Variants in MSN observed in about 807,000 individuals in gnomAD.
MSN encodes the protein epididymis luminal protein 70.
A neutral mutation model predicts 48.0 loss-of-function variants in MSN; 2 were observed. The ratio of observed to expected loss-of-function variants is 0.04; its 90% confidence interval spans 0.02 to 0.13. The LOEUF (loss-of-function observed/expected upper bound fraction) is 0.13, where lower values mean the gene tolerates loss of function less well. Ranked by LOEUF, MSN falls within the 10% of genes least tolerant of loss-of-function variation. MSN has a pLI of 1.00. For synonymous variants in MSN, 146 were observed against 166.9 expected, an observed-to-expected ratio of 0.87 and a Z score of 0.97; for missense variants, 267 against 470.1, an observed-to-expected ratio of 0.57 and a Z score of 3.99.
chrX:65,701,544 A>G (rs903079807), intron 1 of MSN, among the ~76,000 whole-genome samples: 2 of 112,142 alleles, frequency 1.8e-5, no homozygotes, highest in African/African-American at 6.5e-5. Flanking sequence ...ATTTGTTAAA[A>G]TGCTAATTCC....
At position 65,597,810 on chromosome X, in the gene MSN, A is replaced by G. The variant is rs772321476; in HGVS notation, c.-22+9198A>G. On this transcript the variant is annotated intron_variant, in intron 1 of 3. Coordinates refer to the MSN transcript ENST00000609672. ...TGGGCTTCAGTTTTCACATCTGCAA[A>G]ATGATTTTGTGGGATGGGGTCAGAA... Among the ~76,000 whole-genome samples the G allele has an allele frequency of 1.4e-3, 159 of 112,075 alleles. 1 individual carries two copies. Among genetic ancestry groups the G allele is most frequent in the Non-Finnish European group, 2.1e-3 (112 of 53,200 alleles).
chrX:65,710,533 T>C (rs970392820), intron 1 of MSN, among the ~76,000 whole-genome samples: 1 of 111,033 alleles, frequency 9.0e-6, no homozygotes, highest in African/African-American at 3.3e-5. Context: ...TCCTTTGTAA[T>C]TTAGCCATTT....
intron 1 of MSN, among the ~76,000 whole-genome samples, chrX:65,604,796 C>T (rs2070264987): frequency 9.0e-6 from 1 of 111,556 alleles, no homozygotes; most frequent in East Asian, 2.8e-4. Context: ...TGAACCTAAC[C>T]TCTTCTGCCC....
At chrX:65,644,170 C>A (rs1233040596) in intron 1 of MSN, among the ~76,000 whole-genome samples, 3 of 112,155 alleles carry the variant, frequency 2.7e-5, no homozygotes, top group African/African-American at 9.7e-5. Context: ...ATAAGCAGTA[C>A]CTGCCAGGCT....
intron 1 of MSN, among the ~76,000 whole-genome samples, chrX:65,694,668 CT>C (rs1378966863): frequency 8.9e-6 from 1 of 112,360 alleles, no homozygotes; most frequent in Non-Finnish European, 1.9e-5. Context: ...GAAACTGATA[CT>C]TCAAACAGTG....
At chrX:65,702,470 A>T (rs1397998447) in intron 1 of MSN, among the ~76,000 whole-genome samples, 6 of 105,178 alleles carry the variant, frequency 5.7e-5, no homozygotes, top group African/African-American at 2.1e-4. Context: ...GTTCAAGACC[A>T]GCCTGGACAA....
intron 1 of MSN, among the ~76,000 whole-genome samples, chrX:65,631,354 A>C (rs980974002): frequency 9.0e-6 from 1 of 110,739 alleles, no homozygotes; most frequent in African/African-American, 3.3e-5. Flanking sequence ...TCGGCCTCCC[A>C]AAGTGATGAG....
At chrX:65,698,258 C>A (rs1287164401) in intron 1 of MSN, among the ~76,000 whole-genome samples, 1 of 112,094 alleles carries the variant, frequency 8.9e-6, no homozygotes, top group Non-Finnish European at 1.9e-5. Flanking sequence ...TGTTCTTACC[C>A]TAAGAAAGAC....
chrX:65,693,940 C>A (rs1340834292), intron 1 of MSN, among the ~76,000 whole-genome samples: 1 of 110,796 alleles, frequency 9.0e-6, no homozygotes, highest in Non-Finnish European at 1.9e-5. Context: ...GTATTCCCAG[C>A]TATTCGGGAG....
intron 1 of MSN, among the ~76,000 whole-genome samples, chrX:65,696,037 T>G (rs2071234795): frequency 9.0e-6 from 1 of 111,356 alleles, no homozygotes. Flanking sequence ...CAAGCAACCT[T>G]CTGCCTTCTC....
intron 1 of MSN, among the ~76,000 whole-genome samples, chrX:65,698,499 C>T (rs953213666): frequency 8.9e-6 from 1 of 112,521 alleles, no homozygotes; most frequent in Non-Finnish European, 1.9e-5. Flanking sequence ...TTTCCCTCCC[C>T]ACAAATGGCT....
chrX:65,615,275 G>A (rs1242722399), intron 1 of MSN, among the ~76,000 whole-genome samples: 6 of 108,196 alleles, frequency 5.5e-5, no homozygotes, highest in Admixed American at 9.7e-5. Context: ...CTGAGGAATC[G>A]CCACACTGAC....
intron 1 of MSN, among the ~76,000 whole-genome samples, chrX:65,679,676 C>T (rs1184272962): frequency 8.9e-6 from 1 of 112,409 alleles, no homozygotes; most frequent in African/African-American, 3.2e-5. Flanking sequence ...TTTACCCATC[C>T]TCTACTTCTT....
At chrX:65,734,980 C>T (rs1482476289) in intron 7 of MSN, among the ~76,000 whole-genome samples, 1 of 111,742 alleles carries the variant, frequency 8.9e-6, no homozygotes, top group South Asian at 3.7e-4. Flanking sequence ...GATGCTTTCA[C>T]AAGCAAAGAT....
At chrX:65,604,795 C>T (rs189153028) in intron 1 of MSN, among the ~76,000 whole-genome samples, 69 of 111,630 alleles carry the variant, frequency 6.2e-4, no homozygotes, top group African/African-American at 2.1e-3. Context: ...CTGAACCTAA[C>T]CTCTTCTGCC....
At chrX:65,660,802 T>C (rs1016054004) in intron 1 of MSN, among the ~76,000 whole-genome samples, 1 of 110,358 alleles carries the variant, frequency 9.1e-6, no homozygotes, top group African/African-American at 3.3e-5. Context: ...CCTGACCTCG[T>C]GATCCGCCCA....
At chrX:65,610,231 C>A (rs1198364445) in intron 1 of MSN, among the ~76,000 whole-genome samples, 1 of 112,038 alleles carries the variant, frequency 8.9e-6, no homozygotes, top group Non-Finnish European at 1.9e-5. Flanking sequence ...CAAACGGAAA[C>A]TCTGTAACCA....
At chrX:65,723,983 G>A (rs1281828989) in intron 2 of MSN, among the ~76,000 whole-genome samples, 1 of 110,002 alleles carries the variant, frequency 9.1e-6, no homozygotes, top group African/African-American at 3.3e-5. Flanking sequence ...CAAAGGAAGA[G>A]ACAGTGCTCA....
intron 11 of MSN, 150 bp downstream of exon 11, chrX:65,738,767 A>G (rs746543052): frequency 6.7e-5 from 42 of 626,974 alleles, no homozygotes; most frequent in Admixed American, 1.7e-4. Context: ...GGTTTCGTCA[A>G]ATACTTACTG....
Sources: allele counts gnomAD v4.1 joint callset (sites outside exome capture counted in the v4.1 genomes callset), GRCh38; gene constraint gnomAD v4.1.1; transcripts MANE v1.5; gene names NCBI Gene and HGNC (gene_info 2026-07-23, HGNC 2026-07-21).